The following PRKN variants were observed in gnomAD, a reference collection of about 807,000 sequenced individuals.
PRKN encodes the protein E3 ubiquitin-protein ligase parkin.
In PRKN, 56 loss-of-function variants were observed where a neutral mutation model predicts 59.5. That is an observed-to-expected ratio of 0.94 (90% confidence interval 0.76 to 1.18). The LOEUF is 1.18. Ranked by LOEUF, PRKN falls within the 50% of genes most tolerant of loss-of-function variation. The pLI is 0.00. For missense variants in PRKN, 657 were observed against 596.4 expected (o/e 1.10, Z -1.06); for synonymous variants, 250 against 222.1 (o/e 1.13, Z -1.12).
intron 3 of PRKN, among the ~76,000 whole-genome samples, chr6:162,259,292 C>T (rs944453616): frequency 2.2e-4 from 34 of 152,260 alleles, no homozygotes; most frequent in African/African-American, 7.0e-4. Context: ...CCGATTGTTC[C>T]GTGAGAACAA....
chr6:162,396,279 G>C (rs1393088596), intron 2 of PRKN, among the ~76,000 whole-genome samples: 3 of 152,164 alleles, frequency 2.0e-5, no homozygotes, highest in Admixed American at 6.5e-5. Context: ...TTAGGATTCG[G>C]AGTAGTTGAG....
In PRKN at chr6:161,355,446, G is replaced by A. The variant is rs1784710335; in HGVS notation, c.1285+4642C>T. ...AGACGGAGTCTCACTGTGTCACCCA[G>A]GCCGAAGTGCAATGGTGCAATCTTG... On this transcript the variant is annotated intron_variant, in intron 11 of 11. Transcript: ENST00000366898. The surrounding 1 kb of genome is among the most constrained non-coding windows in gnomAD (Gnocchi z 6.8). Among the ~76,000 whole-genome samples, 1 of 152,172 alleles carries A rather than the reference G, an allele frequency of 6.6e-6. No homozygotes were observed. Among genetic ancestry groups the A allele is most frequent in the Non-Finnish European group, 1.5e-5 (1 of 68,046 alleles).
At chr6:162,529,247 T>C (rs1171090339) in intron 1 of PRKN, among the ~76,000 whole-genome samples, 1 of 146,878 alleles carries the variant, frequency 6.8e-6, no homozygotes, top group Non-Finnish European at 1.5e-5. Context: ...AAATTAGTAG[T>C]TGGGAATGAA....
chr6:162,225,899 T>C (rs1339579287), intron 3 of PRKN, among the ~76,000 whole-genome samples: 1 of 148,964 alleles, frequency 6.7e-6, no homozygotes, highest in African/African-American at 2.4e-5. Context: ...TATATATATA[T>C]ATATATACTT....
intron 7 of PRKN, among the ~76,000 whole-genome samples, chr6:161,655,128 CACCAGCAAGGTGCCCAGTT>C (rs1183254141): frequency 2.8e-4 from 39 of 141,598 alleles, no homozygotes; most frequent in African/African-American, 1.1e-3. Flanking sequence ...GGCCCCTCAT[CACCAGCAAGGTGCCCAGTT>C]ACAGAGGCAT....
chr6:162,266,301 TG>T (rs2128101473), intron 2 of PRKN, among the ~76,000 whole-genome samples: 1 of 68,668 alleles, frequency 1.5e-5, no homozygotes, highest in African/African-American at 1.8e-4. Flanking sequence ...ATATATATTG[TG>T]TGTGTGTGTG....
rs141319841 is a variant in PRKN, at chr6:161,884,707, A to T, written c.734+88595T>A. On this transcript the variant is annotated intron_variant, in intron 6 of 11. Transcript: ENST00000366898. ...ATGATTTAGCTCATAATTTGATTCA[A>T]TGAAATTAGTTCTTGTACCTCTTCT... is the stretch of plus-strand genomic sequence containing the variant. 6.8e-4 allele frequency among the ~76,000 whole-genome samples: 104 copies of T among 152,334 alleles called. 1 individual carries two copies. In the East Asian group the frequency reaches 0.015, roughly 22 times the overall value.
At chr6:162,567,714 C>T (rs1168998250) in intron 1 of PRKN, among the ~76,000 whole-genome samples, 1 of 152,110 alleles carries the variant, frequency 6.6e-6, no homozygotes, top group East Asian at 1.9e-4. Context: ...AGTTTCAGTG[C>T]AATCTCTATC....
chr6:162,091,852 C>T (rs1779509370), intron 4 of PRKN, among the ~76,000 whole-genome samples: 1 of 151,650 alleles, frequency 6.6e-6, no homozygotes, highest in South Asian at 2.1e-4. Context: ...GCTTGGGCAA[C>T]AAAGTGAGAG....
chr6:161,959,731 T>C (rs1001821279), intron 6 of PRKN, among the ~76,000 whole-genome samples: 5 of 152,200 alleles, frequency 3.3e-5, no homozygotes, highest in Non-Finnish European at 5.9e-5. Flanking sequence ...ATGACATATA[T>C]TTCCCGAGAA....
At chr6:162,097,513 C>T (rs928561028) in intron 4 of PRKN, among the ~76,000 whole-genome samples, 1 of 152,144 alleles carries the variant, frequency 6.6e-6, no homozygotes, top group Non-Finnish European at 1.5e-5. Context: ...GGAGAATTTC[C>T]GTAATGGTGG....
intron 6 of PRKN, among the ~76,000 whole-genome samples, chr6:161,920,390 T>G (rs1034977796): frequency 7.0e-6 from 1 of 143,268 alleles, no homozygotes; most frequent in Admixed American, 7.0e-5. Context: ...CCAGAAAAAA[T>G]AAAAAAGGAA....
intron 2 of PRKN, among the ~76,000 whole-genome samples, chr6:162,318,728 G>C (rs977982113): frequency 1.3e-5 from 2 of 151,898 alleles, no homozygotes; most frequent in African/African-American, 4.8e-5. Context: ...GCTTATTGGC[G>C]TGATTATGAA....
intron 1 of PRKN, among the ~76,000 whole-genome samples, chr6:162,622,417 C>T (rs1445298531): frequency 1.3e-5 from 2 of 151,958 alleles, no homozygotes; most frequent in Non-Finnish European, 2.9e-5. Context: ...CACCTCGCCT[C>T]AGGTCATCTG....
chr6:161,735,692 G>A (rs1409331584), intron 7 of PRKN, among the ~76,000 whole-genome samples: 2 of 152,036 alleles, frequency 1.3e-5, no homozygotes, highest in African/African-American at 2.4e-5. Flanking sequence ...TGAGGAGGGT[G>A]GATCACGAGG....
rs888508211 is a variant in PRKN at position 161,440,117 on chromosome 6, A to G, written c.1084-53240T>C. ...AGGCGCCCACCACCACGCCCGGCTA[A>G]TTTTTTTTGGTATTTTTAGTAGAGA... On this transcript the variant is annotated intron_variant, in intron 9 of 11. Transcript: ENST00000366898. This position sits in a 1 kb window ranked among gnomAD's most constrained non-coding sequence, Gnocchi z 4.1. Among the ~76,000 whole-genome samples, 2 of 151,310 alleles carry G rather than the reference A, an allele frequency of 1.3e-5. No individual in the cohort carries two copies. The highest frequency in any genetic ancestry group is 2.9e-5 in the Non-Finnish European group (2 of 67,836).
At chr6:161,868,424 C>CA (rs1311238503) in intron 6 of PRKN, among the ~76,000 whole-genome samples, 58 of 151,676 alleles carry the variant, frequency 3.8e-4, no homozygotes, top group Admixed American at 2.8e-3. Flanking sequence ...ACTAAAAATA[C>CA]AAAAAAATTA....
At chr6:162,599,731 C>T (rs1466730982) in intron 1 of PRKN, among the ~76,000 whole-genome samples, 2 of 152,030 alleles carry the variant, frequency 1.3e-5, no homozygotes, top group African/African-American at 2.4e-5. Context: ...ACTCTGTCAG[C>T]GTAAATATGA....
intron 1 of PRKN, among the ~76,000 whole-genome samples, chr6:162,691,044 G>T (rs566221223): frequency 1.3e-5 from 2 of 152,120 alleles, no homozygotes; most frequent in South Asian, 4.1e-4. Flanking sequence ...TATCTGAGGT[G>T]TTTCCCATTC....
Sources: allele counts gnomAD v4.1 joint callset (sites outside exome capture counted in the v4.1 genomes callset), GRCh38; gene constraint gnomAD v4.1.1; non-coding constraint Gnocchi (gnomAD v3.1); transcripts MANE v1.5; gene names NCBI Gene and HGNC (gene_info 2026-07-23, HGNC 2026-07-21).